The following SEC22C variants were observed in gnomAD, a reference collection of about 807,000 sequenced individuals.
SEC22C encodes the protein vesicle-trafficking protein SEC22c.
A neutral mutation model predicts 34.7 loss-of-function variants in SEC22C; 29 were observed. The ratio of observed to expected loss-of-function variants is 0.84; its 90% CI spans 0.62 to 1.14. The LOEUF is 1.14. SEC22C is among the 50% of genes most tolerant of loss of function. The pLI is 0.00. For missense variants in SEC22C, 337 were observed against 369.0 expected, an observed-to-expected ratio of 0.91 and a Z score of 0.71; for synonymous variants, 117 against 132.8, an observed-to-expected ratio of 0.88 and a Z score of 0.82.
At position 42,549,295 on chromosome 3, in the gene SEC22C, T is replaced by C; in HGVS notation, c.*3953A>G. ...CTGCCTGTCCTCACTTGTGCTGCAC[T>C]ATGCAAGCAAGCAGCAGGTTCTCAG... On this transcript the variant is annotated 3_prime_UTR_variant, in exon 7 of 7. Coordinates refer to ENST00000264454, the MANE Select transcript of SEC22C (RefSeq NM_032970.4). 1.0e-6 allele frequency: 1 copy of C among 985,732 alleles called. No homozygotes were observed. Among genetic ancestry groups the C allele is most frequent in the Non-Finnish European group, 1.2e-6 (1 of 830,144 alleles). 61.1% of individuals were successfully genotyped at this position (985,732 alleles called of 1,614,324 possible). A position where few individuals can be genotyped will look rare whatever the true frequency, so the allele number is the denominator to read the frequency against.
upstream of SEC22C, among the ~76,000 whole-genome samples, chr3:42,583,324 A>G (rs1437820558): frequency 6.6e-6 from 1 of 152,212 alleles, no homozygotes; most frequent in African/African-American, 2.4e-5. Context: ...AGATCTAAGA[A>G]GGCTGCAGAG....
intron 1 of SEC22C, among the ~76,000 whole-genome samples, chr3:42,572,907 C>A (rs1292914503): frequency 6.6e-6 from 1 of 152,206 alleles, no homozygotes; most frequent in Non-Finnish European, 1.5e-5. Context: ...AACTGTTTCC[C>A]AGGCTAGAAT....
rs1393229864 is a variant in SEC22C at position 42,549,004 on chromosome 3, C to A, written c.*4244G>T. The A allele has an allele frequency of 9.6e-7, 1 of 1,038,236 alleles. No homozygotes were observed. The highest frequency in any genetic ancestry group is 1.6e-5 in the African/African-American group (1 of 60,954). 64.3% of individuals were successfully genotyped at this position (1,038,236 alleles called of 1,614,324 possible). On this transcript the variant is annotated 3_prime_UTR_variant, in exon 7 of 7. Transcript: ENST00000264454. Reference sequence around the variant, plus strand: ...CATTTACCAGATGAGGAAACTGAGGCCTGATGGGCAGTGATTTGTGCACTG... The same window carrying A: ...CATTTACCAGATGAGGAAACTGAGGACTGATGGGCAGTGATTTGTGCACTG...
At chr3:42,577,097 A>C (rs1393502453) in intron 1 of SEC22C, among the ~76,000 whole-genome samples, 1 of 152,172 alleles carries the variant, frequency 6.6e-6, no homozygotes, top group East Asian at 1.9e-4. Flanking sequence ...CACATCTTAC[A>C]TAAAAATTAA....
chr3:42,575,381 C>T (rs1171590747), intron 1 of SEC22C, among the ~76,000 whole-genome samples: 2 of 152,144 alleles, frequency 1.3e-5, no homozygotes, highest in Non-Finnish European at 2.9e-5. Context: ...ATACTATCTA[C>T]ATGAAATTCA....
chr3:42,554,091 TG>T (rs1245584917), intron 6 of SEC22C, among the ~76,000 whole-genome samples: 3 of 151,968 alleles, frequency 2.0e-5, no homozygotes, highest in African/African-American at 7.3e-5. Context: ...TTCAATGCTT[TG>T]TTTTTTTTTT....
At chr3:42,554,418 C>T (rs1364927177) in intron 6 of SEC22C, among the ~76,000 whole-genome samples, 2 of 152,186 alleles carry the variant, frequency 1.3e-5, no homozygotes, top group South Asian at 2.1e-4. Context: ...GATCTCAGCT[C>T]ACCGCAACCT....
intron 6 of SEC22C, 146 bp downstream of exon 6, chr3:42,555,784 C>T (rs1702496023): frequency 1.5e-6 from 1 of 683,028 alleles, no homozygotes; most frequent in East Asian, 2.8e-5. Flanking sequence ...GCCTAAGGTC[C>T]TCCACTAAGG....
intron 1 of SEC22C, chr3:42,594,642 C>T (rs1405836927): frequency 1.5e-6 from 1 of 678,464 alleles, no homozygotes; most frequent in East Asian, 2.7e-5. Flanking sequence ...ACCTCTGTGG[C>T]TCTTTCGAAA....
chr3:42,579,579 C>A (rs7623867), intron 1 of SEC22C: 20,670 of 128,782 alleles, frequency 0.16, 1,798 homozygotes, highest in African/African-American at 0.28. Context: ...CCAGCCTGGG[C>A]AACAAAGTGA....
At chr3:42,599,704 AAG>A (rs1334479496) in intron 1 of SEC22C, among the ~76,000 whole-genome samples, 50 of 152,230 alleles carry the variant, frequency 3.3e-4, no homozygotes, top group African/African-American at 1.0e-3. Flanking sequence ...AAAAAAAAAA[AAG>A]AGTCTTTTCA....
chr3:42,594,473 T>C (rs779948521), intron 1 of SEC22C: 10 of 1,613,970 alleles, frequency 6.2e-6, no homozygotes, highest in Non-Finnish European at 8.5e-6. Flanking sequence ...CCATTGCAGA[T>C]GCCAGTCCAA....
chr3:42,556,175 AGCTT>A (rs1412590477), intron 5 of SEC22C, among the ~76,000 whole-genome samples, 180 bp from the exon 6 acceptor site: 12 of 152,340 alleles, frequency 7.9e-5, no homozygotes, highest in African/African-American at 2.9e-4. Context: ...CGTTTTCAAC[AGCTT>A]GGTCACAGCA....
chr3:42,593,400 G>A (rs1205423863), intron 1 of SEC22C, among the ~76,000 whole-genome samples: 1 of 152,218 alleles, frequency 6.6e-6, no homozygotes, highest in Non-Finnish European at 1.5e-5. Flanking sequence ...CTGGGTGACA[G>A]AGCAAGACTC....
At chr3:42,568,549 G>A (rs1703403150) in intron 2 of SEC22C, among the ~76,000 whole-genome samples, 1 of 151,800 alleles carries the variant, frequency 6.6e-6, no homozygotes. Context: ...AGGAGGCTGA[G>A]GCACGAGAAC....
At chr3:42,596,879 G>A (rs903171064) in intron 1 of SEC22C, among the ~76,000 whole-genome samples, 1 of 152,166 alleles carries the variant, frequency 6.6e-6, no homozygotes, top group African/African-American at 2.4e-5. Flanking sequence ...TGAATTCTAG[G>A]TTTAAAGTTG....
chr3:42,586,787 C>T (rs1311557702), upstream of SEC22C, among the ~76,000 whole-genome samples: 2 of 152,214 alleles, frequency 1.3e-5, no homozygotes, highest in East Asian at 3.8e-4. Context: ...GTATCTCCAA[C>T]CTAGCCTTTG....
At chr3:42,571,894 G>A (rs758144313) in intron 1 of SEC22C, among the ~76,000 whole-genome samples, 1 of 152,148 alleles carries the variant, frequency 6.6e-6, no homozygotes, top group Non-Finnish European at 1.5e-5. Context: ...TTAGCCGGGC[G>A]TGGTGGCACA....
At position 42,569,026 on chromosome 3, in the gene SEC22C, G is replaced by C; in HGVS notation, c.21C>G (p.Ala7=). The change falls in exon 2 of 7, where the codon GCC becomes GCG. Residue 7 remains alanine, a synonymous_variant. Transcript: ENST00000264454. Reference sequence around the variant, plus strand: ...GTCCATCCCTTACCCGTACCACGCAGGCAAAAAAGATCACGGACATGGTCC... The same window carrying C: ...GTCCATCCCTTACCCGTACCACGCACGCAAAAAAGATCACGGACATGGTCC... MSVIFF[A]CVVRVRDGLP... is the part of the protein sequence containing the mutation. 1 of 1,613,254 alleles carries C rather than the reference G, an allele frequency of 6.2e-7. No homozygotes were observed. The highest frequency in any genetic ancestry group is 2.2e-5 in the East Asian group (1 of 44,852).
Sources: allele counts gnomAD v4.1 joint callset (sites outside exome capture counted in the v4.1 genomes callset), GRCh38; gene constraint gnomAD v4.1.1; transcripts MANE v1.5; gene names NCBI Gene and HGNC (gene_info 2026-07-23, HGNC 2026-07-21).